FANK1: variants seen among roughly 807,000 people sequenced by gnomAD.
FANK1 encodes fibronectin type III and ankyrin repeat domains 1.
In FANK1, 44 loss-of-function variants were observed where a neutral mutation model predicts 45.3. The ratio of observed to expected loss-of-function variants is 0.97; its 90% confidence interval spans 0.76 to 1.25. FANK1 has a LOEUF of 1.25. FANK1 is among the 50% of genes most tolerant of loss of function. The pLI is 0.00. For missense variants in FANK1, 391 were observed against 424.4 expected, an observed-to-expected ratio of 0.92 and a Z score of 0.69; for synonymous variants, 149 against 152.5, an observed-to-expected ratio of 0.98 and a Z score of 0.17.
chr10:125,950,930 C>T (rs947095139), intron 1 of FANK1, among the ~76,000 whole-genome samples: 7 of 151,004 alleles, frequency 4.6e-5, no homozygotes, highest in East Asian at 3.9e-4. Context: ...ATGATGAGTT[C>T]GCGTCCTTTG....
chr10:125,997,435 A>G lies in FANK1; in HGVS notation c.489A>G (p.Leu163=), dbSNP rs1327578449. Residue 163 remains leucine, a synonymous_variant, in exon 6 of 11, where the codon CTA becomes CTG. Transcript: ENST00000368693. The stretch of plus-strand genomic sequence containing the variant: ...TTTCCTTTAGGCTTGTGAAAATCCT[A>G]GTTTCTAATGGCACAGACGTGAATC... ...QKGYTRLVKI[L]VSNGTDVNLK... 1 of 1,613,880 alleles carries G rather than the reference A, an allele frequency of 6.2e-7. No individual in the cohort carries two copies. Among genetic ancestry groups the G allele is most frequent in the Non-Finnish European group, 8.5e-7 (1 of 1,179,898 alleles).
rs968681837 is a variant in FANK1, at chr10:126,008,685, G to A, written c.849+135G>A. On this transcript the variant is annotated intron_variant, in intron 8 of 10. Transcript: ENST00000368693. ...TGACTGTGTGTGTGTGTTCCCTGTC[G>A]GCTTGTTCATAAGGGCATGAGGCTG... 5.8e-6 allele frequency: 6 copies of A among 1,040,614 alleles called. No individual in the cohort carries two copies. The East Asian group carries it at 7.6e-5, about 13-fold the overall frequency. The allele number at this position is 1,040,614 out of a possible 1,614,324, so 64.5% of individuals were successfully genotyped here. A position where few individuals can be genotyped will look rare whatever the true frequency, so the allele number is the denominator to read the frequency against.
At chr10:125,929,253 A>G (rs1947587989) in intron 1 of FANK1, among the ~76,000 whole-genome samples, 1 of 152,212 alleles carries the variant, frequency 6.6e-6, no homozygotes, top group South Asian at 2.1e-4. Flanking sequence ...TGCACTGGGA[A>G]CAAAGGCTCT....
intron 3 of FANK1, among the ~76,000 whole-genome samples, chr10:125,993,039 C>A (rs528396730): frequency 6.6e-6 from 1 of 152,290 alleles, no homozygotes; most frequent in Admixed American, 6.5e-5. Context: ...CTGCCCTCTC[C>A]TAACTGGGCG....
intron 1 of FANK1, among the ~76,000 whole-genome samples, chr10:125,907,066 T>C (rs1355505685): frequency 3.8e-4 from 58 of 152,258 alleles, no homozygotes; most frequent in Admixed American, 3.8e-3. Context: ...TAGTGAAATG[T>C]ATGTAAAGCC....
At chr10:125,951,133 A>G (rs1344726241) in intron 1 of FANK1, among the ~76,000 whole-genome samples, 2 of 149,176 alleles carry the variant, frequency 1.3e-5, no homozygotes, top group Non-Finnish European at 3.0e-5. Context: ...TGGGAGATAT[A>G]CCTAATGCTA....
intron 1 of FANK1, among the ~76,000 whole-genome samples, chr10:125,964,085 A>T (rs1361022888): frequency 6.6e-6 from 1 of 151,246 alleles, no homozygotes; most frequent in Non-Finnish European, 1.5e-5. Context: ...GAAACAAATC[A>T]TTGCTGACAA....
intron 1 of FANK1, among the ~76,000 whole-genome samples, chr10:125,950,180 C>T (rs1949106219): frequency 6.6e-6 from 1 of 150,780 alleles, no homozygotes; most frequent in South Asian, 2.1e-4. Context: ...AAAACCTAGG[C>T]ATTACCATTC....
At chr10:125,975,960 G>C (rs993125912) in intron 1 of FANK1, among the ~76,000 whole-genome samples, 3 of 152,096 alleles carry the variant, frequency 2.0e-5, no homozygotes, top group Non-Finnish European at 4.4e-5. Flanking sequence ...GTATCAGCTG[G>C]TAGCGGTCTT....
intron 3 of FANK1, chr10:125,994,454 G>C: frequency 1.0e-6 from 1 of 985,236 alleles, no homozygotes; most frequent in Non-Finnish European, 1.2e-6. Flanking sequence ...TGCCGTTTGC[G>C]GATGAGGGGC....
intron 1 of FANK1, among the ~76,000 whole-genome samples, chr10:125,926,172 C>T (rs1215807054): frequency 6.6e-6 from 1 of 152,110 alleles, no homozygotes; most frequent in African/African-American, 2.4e-5. Flanking sequence ...ATATTTTCAA[C>T]TTTTTATTTT....
At chr10:125,986,240 C>T (rs911079016) in intron 2 of FANK1, among the ~76,000 whole-genome samples, 6 of 152,126 alleles carry the variant, frequency 3.9e-5, no homozygotes, top group African/African-American at 4.8e-5. Flanking sequence ...GAGACACGTA[C>T]GTGGTCAGAG....
intron 1 of FANK1, among the ~76,000 whole-genome samples, chr10:125,925,524 C>T (rs1947287456): frequency 6.6e-6 from 1 of 152,068 alleles, no homozygotes; most frequent in Non-Finnish European, 1.5e-5. Context: ...ATCCTCCTAC[C>T]TCAGTCTTTA....
At chr10:125,918,556 C>CAAAAAA (rs1156446362) in intron 1 of FANK1, among the ~76,000 whole-genome samples, 190 of 7,104 alleles carry the variant, frequency 0.027, 68 homozygotes, top group Non-Finnish European at 0.042. Flanking sequence ...GCCTCTGTCT[C>CAAAAAA]AAAAAAAAAA....
chr10:125,969,091 CTGT>C (rs1469087793), intron 1 of FANK1, among the ~76,000 whole-genome samples: 2 of 152,130 alleles, frequency 1.3e-5, no homozygotes, highest in Non-Finnish European at 2.9e-5. Flanking sequence ...TGTAGTTTTA[CTGT>C]TGTTCTTCCT....
At chr10:125,923,961 C>T (rs1947132768) in intron 1 of FANK1, among the ~76,000 whole-genome samples, 1 of 152,036 alleles carries the variant, frequency 6.6e-6, no homozygotes, top group Non-Finnish European at 1.5e-5. Context: ...TTTAAAGAAC[C>T]AGGTTTTAGC....
In FANK1 at chr10:125,999,136, C is replaced by T. The variant is rs184144244; in HGVS notation, c.539+1651C>T. Among the ~76,000 whole-genome samples the T allele has an allele frequency of 1.2e-3, 184 of 151,766 alleles. 1 individual carries two copies. Among genetic ancestry groups the T allele is most frequent in the African/African-American group, 4.3e-3 (179 of 41,352 alleles). Reference sequence around the variant, plus strand: ...CCATCAGTCGATTAAAGGTGAAAACCTTTATTTGTGTAGATGCAAAACAAA... The same window carrying T: ...CCATCAGTCGATTAAAGGTGAAAACTTTTATTTGTGTAGATGCAAAACAAA... On this transcript the variant is annotated intron_variant, in intron 6 of 10. Coordinates refer to ENST00000368693, the MANE Select transcript of FANK1 (RefSeq NM_145235.5).
At chr10:125,952,021 C>T (rs1030218515) in intron 1 of FANK1, among the ~76,000 whole-genome samples, 3 of 152,140 alleles carry the variant, frequency 2.0e-5, no homozygotes, top group Admixed American at 2.0e-4. Context: ...GGCAATTTTG[C>T]ATGCTGCTTT....
chr10:125,902,256 TATA>T (rs1413297069), intron 1 of FANK1, among the ~76,000 whole-genome samples: 1 of 146,150 alleles, frequency 6.8e-6, no homozygotes, highest in Non-Finnish European at 1.5e-5. Flanking sequence ...AAACTTAAAG[TATA>T]ATAATAATTA....
Sources: allele counts gnomAD v4.1 joint callset (sites outside exome capture counted in the v4.1 genomes callset), GRCh38; gene constraint gnomAD v4.1.1; transcripts MANE v1.5; gene names NCBI Gene and HGNC (gene_info 2026-07-23, HGNC 2026-07-21).